The following FAM149A variants were observed in gnomAD, a reference collection of about 807,000 sequenced individuals.
FAM149A encodes family with sequence similarity 149 member A, also known as protein FAM149A.
In FAM149A, 71 loss-of-function variants were observed where a neutral mutation model predicts 78.2. That is an observed-to-expected ratio of 0.91 (90% CI 0.75 to 1.11). FAM149A has a LOEUF of 1.11. Ranked by LOEUF, FAM149A falls within the 50% of genes least tolerant of loss-of-function variation. The pLI is 0.00. For synonymous variants in FAM149A, 446 were observed against 410.5 expected (o/e 1.09, Z -1.04); for missense variants, 1,036 against 971.0 (o/e 1.07, Z -0.89).
intron 1 of FAM149A, among the ~76,000 whole-genome samples, chr4:186,124,808 T>A (rs888075737): frequency 6.6e-6 from 1 of 152,162 alleles, no homozygotes; most frequent in Non-Finnish European, 1.5e-5. Context: ...CAAATGGTAT[T>A]TCTAGTTCTA....
intron 8 of FAM149A, among the ~76,000 whole-genome samples, chr4:186,159,119 G>A (rs950827793): frequency 1.3e-5 from 2 of 152,062 alleles, no homozygotes; most frequent in Non-Finnish European, 2.9e-5. Context: ...GAACCAATGA[G>A]TATACATTGG....
At chr4:186,122,721 G>T (rs1014664111) in intron 1 of FAM149A, 1 of 261,742 alleles carries the variant, frequency 3.8e-6, no homozygotes, top group African/African-American at 2.3e-5. Context: ...TTATTATTCT[G>T]ACCTCAACAG....
At chr4:186,123,100 C>A in intron 1 of FAM149A, 2 of 393,178 alleles carry the variant, frequency 5.1e-6, no homozygotes, top group Non-Finnish European at 6.9e-6. Context: ...TACTTTCATT[C>A]ATAGGCCATG....
At chr4:186,166,269 C>T (rs549464792) in intron 11 of FAM149A, among the ~76,000 whole-genome samples, 2 of 152,284 alleles carry the variant, frequency 1.3e-5, no homozygotes, top group African/African-American at 4.8e-5. Flanking sequence ...TCCTGCATGC[C>T]CTGTGCCACC....
chr4:186,137,880 A>G (rs2099324163), intron 1 of FAM149A, among the ~76,000 whole-genome samples: 3 of 151,694 alleles, frequency 2.0e-5, no homozygotes, highest in Admixed American at 6.6e-5. Flanking sequence ...ATATTTTTCT[A>G]TAATTTTATA....
intron 1 of FAM149A, chr4:186,124,192 T>G (rs1316833979): frequency 4.1e-6 from 4 of 985,198 alleles, no homozygotes; most frequent in Admixed American, 6.2e-5. Flanking sequence ...ACTATATTCC[T>G]CCAGAGTGGA....
chr4:186,123,148 C>A (rs1282912303), intron 1 of FAM149A: 1 of 854,170 alleles, frequency 1.2e-6, no homozygotes, highest in Admixed American at 6.2e-5. Context: ...GATGTGGAGT[C>A]CAGTGTTAAT....
intron 1 of FAM149A, among the ~76,000 whole-genome samples, chr4:186,113,655 A>G (rs867291246): frequency 1.3e-5 from 2 of 148,636 alleles, no homozygotes; most frequent in Non-Finnish European, 3.0e-5. Flanking sequence ...TTATGTATCC[A>G]GTAGTCATTC....
At position 186,170,140 on chromosome 4, in the gene FAM149A, G is replaced by A. The variant is rs150363241; in HGVS notation, c.2219-1774G>A. Among the ~76,000 whole-genome samples, 379 of 152,328 alleles carry A rather than the reference G, an allele frequency of 2.5e-3. 5 individuals carry two copies. The highest frequency in any genetic ancestry group is 8.4e-3 in the African/African-American group (348 of 41,582). On this transcript the variant is annotated intron_variant, in intron 13 of 13. Coordinates refer to ENST00000389354, the MANE Select transcript of FAM149A (RefSeq NM_001367768.3). ...CCTGGAGCTCCATGCAGCTCGGCAGGGCCTGTGCAGTCCGGAAGGGAGGGC... is the reference window on the plus strand; with the variant it reads ...CCTGGAGCTCCATGCAGCTCGGCAGAGCCTGTGCAGTCCGGAAGGGAGGGC...
At chr4:186,170,845 A>G (rs957663463) in intron 13 of FAM149A, 1 of 152,286 alleles carries the variant, frequency 6.6e-6, no homozygotes, top group Non-Finnish European at 1.5e-5. Flanking sequence ...ATCTTTGTTC[A>G]TCCATCGGTC....
At position 186,137,589 on chromosome 4, in the gene FAM149A, A is replaced by AT. The variant is rs924638610; in HGVS notation, c.567-11573dup. Among the ~76,000 whole-genome samples the AT allele has an allele frequency of 2.8e-3, 406 of 146,886 alleles. 1 individual carries two copies. The highest frequency in any genetic ancestry group is 8.8e-3 in the African/African-American group (353 of 40,254). Reference sequence around the variant, plus strand: ...ATAAAGTATTAAAATCTGGGCAAGGATTTTTTTTTTTATAGTGATGAAAGA... The same window carrying AT: ...ATAAAGTATTAAAATCTGGGCAAGGATTTTTTTTTTTTATAGTGATGAAAGA... On this transcript the variant is annotated intron_variant, in intron 1 of 13. Coordinates refer to ENST00000389354, the MANE Select transcript of FAM149A (RefSeq NM_001367768.3).
intron 1 of FAM149A, chr4:186,116,805 CAT>C: frequency 1.0e-6 from 1 of 975,812 alleles, no homozygotes; most frequent in Non-Finnish European, 1.2e-6. Context: ...TTAAAGAACA[CAT>C]GTTGAGTGTT....
intron 13 of FAM149A, chr4:186,171,025 C>T (rs1735479465): frequency 6.6e-6 from 1 of 152,382 alleles, no homozygotes; most frequent in African/African-American, 2.4e-5. Context: ...TTCTAAGAAC[C>T]ACATCTTTCT....
chr4:186,131,337 G>C (rs1373044495), intron 1 of FAM149A, among the ~76,000 whole-genome samples: 2 of 115,868 alleles, frequency 1.7e-5, no homozygotes, highest in East Asian at 4.9e-4. Flanking sequence ...GACAGAGCAA[G>C]ACTCCAACTC....
At position 186,122,750 on chromosome 4, in the gene FAM149A, T is replaced by G. The variant is rs187878379; in HGVS notation, c.566+17108T>G. 7.8e-4 allele frequency: 338 copies of G among 435,382 alleles called. 1 individual carries two copies. Among genetic ancestry groups the G allele is most frequent in the African/African-American group, 6.7e-3 (314 of 47,038 alleles). 27.0% of individuals were successfully genotyped at this position (435,382 alleles called of 1,614,324 possible). On this transcript the variant is annotated intron_variant, in intron 1 of 13. Transcript: ENST00000389354. ...TCAACAGAAATGTTAAATATTTACT[T>G]TTCATGGGAATTGTTCATAAATAAT...
intron 1 of FAM149A, among the ~76,000 whole-genome samples, chr4:186,111,781 C>T (rs1485284549): frequency 1.5e-4 from 22 of 151,450 alleles, no homozygotes; most frequent in African/African-American, 5.3e-4. Context: ...CAGTACCATG[C>T]TGTTTTGGTT....
At chr4:186,132,992 T>C in intron 1 of FAM149A, 2 of 985,414 alleles carry the variant, frequency 2.0e-6, no homozygotes, top group Non-Finnish European at 2.4e-6. Context: ...CGCTGTGCTC[T>C]GAGACGAGCT....
At chr4:186,138,767 A>G (rs1451052865) in intron 1 of FAM149A, among the ~76,000 whole-genome samples, 1 of 152,162 alleles carries the variant, frequency 6.6e-6, no homozygotes, top group Admixed American at 6.5e-5. Context: ...TCATTGCCTC[A>G]TTGCAAGGGT....
intron 8 of FAM149A, among the ~76,000 whole-genome samples, chr4:186,160,483 C>G (rs372452266): frequency 6.7e-6 from 1 of 149,592 alleles, no homozygotes; most frequent in Admixed American, 6.7e-5. Context: ...CACACACACA[C>G]CACACACTAT....
Sources: allele counts gnomAD v4.1 joint callset (sites outside exome capture counted in the v4.1 genomes callset), GRCh38; gene constraint gnomAD v4.1.1; transcripts MANE v1.5; gene names NCBI Gene and HGNC (gene_info 2026-07-23, HGNC 2026-07-21).